PBRM1: variants seen among roughly 807,000 people sequenced by gnomAD.
PBRM1 encodes the protein polybromo 1, also known as protein polybromo-1.
In PBRM1, 27 loss-of-function variants were observed where a neutral mutation model predicts 194.5. The observed-to-expected ratio is 0.14, with a 90% CI of 0.10 to 0.19. The LOEUF is 0.19. Ranked by LOEUF, PBRM1 falls within the 10% of genes least tolerant of loss-of-function variation. The probability of loss-of-function intolerance (pLI) is 1.00; values close to 1 mark genes in which losing one functional copy is unlikely to be tolerated. For synonymous variants in PBRM1, 655 were observed against 693.2 expected (o/e 0.94, Z 0.87); for missense variants, 1,466 against 2,077.2 (o/e 0.71, Z 5.72).
chr3:52,614,373 C>CAAAAAAAAAA (rs1165930996), intron 15 of PBRM1, among the ~76,000 whole-genome samples: 67 of 40,854 alleles, frequency 1.6e-3, no homozygotes, highest in East Asian at 5.1e-3. Context: ...GATGCTTCAT[C>CAAAAAAAAAA]AAAAAAAAAA....
At chr3:52,555,230 C>A (rs2081969676) in intron 26 of PBRM1, among the ~76,000 whole-genome samples, 1 of 152,182 alleles carries the variant, frequency 6.6e-6, no homozygotes, top group Non-Finnish European at 1.5e-5. Context: ...ACCAGTTCTG[C>A]TGACTGCAAT....
chr3:52,610,416 T>C (rs529156550), intron 15 of PBRM1, among the ~76,000 whole-genome samples: 2 of 152,330 alleles, frequency 1.3e-5, no homozygotes, highest in South Asian at 2.1e-4. Context: ...CCTAGCTCTG[T>C]CCACTGAAAA....
intron 29 of PBRM1, among the ~76,000 whole-genome samples, chr3:52,549,297 G>A (rs988068496): frequency 1.3e-5 from 2 of 152,094 alleles, no homozygotes; most frequent in African/African-American, 4.8e-5. Flanking sequence ...TGGGATTACA[G>A]GCGTGAGCCA....
At chr3:52,626,327 C>A (rs2095445147) in intron 13 of PBRM1, among the ~76,000 whole-genome samples, 1 of 152,192 alleles carries the variant, frequency 6.6e-6, no homozygotes, top group African/African-American at 2.4e-5. Context: ...TTAAAAAATT[C>A]TCCAAAATGC....
downstream of PBRM1, chr3:52,547,420 G>A (rs990872297): frequency 8.6e-6 from 2 of 233,248 alleles, no homozygotes; most frequent in Non-Finnish European, 1.7e-5. Flanking sequence ...ACATATTTCT[G>A]TAGTGAGCCT....
intron 7 of PBRM1, among the ~76,000 whole-genome samples, chr3:52,645,417 C>T (rs2096262626): frequency 2.6e-5 from 4 of 151,710 alleles, no homozygotes; most frequent in Admixed American, 1.3e-4. Context: ...CCTGCCTTGG[C>T]CTCTCAAAGT....
intron 7 of PBRM1, among the ~76,000 whole-genome samples, chr3:52,646,688 A>AT (rs1261904562): frequency 3.3e-5 from 5 of 152,198 alleles, no homozygotes; most frequent in Non-Finnish European, 7.4e-5. Context: ...TAGTGCTGGG[A>AT]TAATATCTCA....
Position 52,644,939 on chromosome 3 carries a change from T to C in PBRM1, c.814-150A>G, listed in dbSNP as rs560648484. The C allele has an allele frequency of 1.5e-5, 7 of 480,104 alleles. No homozygotes were observed. The East Asian group carries it at 2.5e-4, about 17-fold the overall frequency. The allele number at this position is 480,104 out of a possible 1,614,324, so 29.7% of individuals were successfully genotyped here. A position where few individuals can be genotyped will look rare whatever the true frequency, so the allele number is the denominator to read the frequency against. ...CCCACAAAGCTGCATCCTCCAACATTTCTACAAGCTTCCAAAATATCTATC... is the reference window on the plus strand; with the variant it reads ...CCCACAAAGCTGCATCCTCCAACATCTCTACAAGCTTCCAAAATATCTATC... On this transcript the variant is annotated intron_variant, in intron 7 of 29. Transcript: ENST00000296302.
At chr3:52,675,796 G>A (rs946400793) in intron 2 of PBRM1, among the ~76,000 whole-genome samples, 4 of 152,130 alleles carry the variant, frequency 2.6e-5, no homozygotes, top group African/African-American at 7.2e-5. Context: ...AAACGATACC[G>A]GGAAAACTGG....
chr3:52,616,236 A>G (rs575947083), intron 14 of PBRM1, among the ~76,000 whole-genome samples: 1 of 152,352 alleles, frequency 6.6e-6, no homozygotes, highest in South Asian at 2.1e-4. Context: ...AGCATCCTCA[A>G]TGCATACTTT....
At chr3:52,634,308 G>A (rs568869473) in intron 11 of PBRM1, among the ~76,000 whole-genome samples, 71 of 151,720 alleles carry the variant, frequency 4.7e-4, no homozygotes, top group African/African-American at 1.6e-3. Context: ...GTGGTGGTGC[G>A]CACCTGTAGT....
At chr3:52,623,005 G>A (rs2095332887) in intron 13 of PBRM1, among the ~76,000 whole-genome samples, 2 of 152,122 alleles carry the variant, frequency 1.3e-5, no homozygotes, top group African/African-American at 2.4e-5. Context: ...CCCCAACTAT[G>A]CAGATGTAAA....
chr3:52,655,694 T>C (rs2153831266), intron 5 of PBRM1, among the ~76,000 whole-genome samples: 1 of 152,334 alleles, frequency 6.6e-6, no homozygotes, highest in East Asian at 1.9e-4. Flanking sequence ...ATATTAATAA[T>C]TACATCTTTC....
intron 26 of PBRM1, among the ~76,000 whole-genome samples, chr3:52,556,096 T>C (rs1170809502): frequency 6.6e-6 from 1 of 152,216 alleles, no homozygotes; most frequent in Non-Finnish European, 1.5e-5. Context: ...CTCTGTCAAA[T>C]AGTGGAAAAC....
At chr3:52,640,599 T>G (rs2096036569) in intron 10 of PBRM1, among the ~76,000 whole-genome samples, 1 of 151,560 alleles carries the variant, frequency 6.6e-6, no homozygotes, top group South Asian at 2.1e-4. Context: ...TCAACTTTCT[T>G]ATGTTTTTAT....
chr3:52,589,003 T>G, intron 18 of PBRM1, 67 bp downstream of exon 20: 3 of 1,175,296 alleles, frequency 2.6e-6, no homozygotes, highest in Non-Finnish European at 3.8e-6. Flanking sequence ...TTTTCTTCCC[T>G]GAGGAGCAAG....
intron 17 of PBRM1, among the ~76,000 whole-genome samples, chr3:52,603,260 G>A (rs1486825729): frequency 6.6e-6 from 1 of 152,200 alleles, no homozygotes; most frequent in Non-Finnish European, 1.5e-5. Flanking sequence ...GAGGCATTAA[G>A]CCCCCACACT....
At chr3:52,639,079 G>A (rs2095958559) in intron 10 of PBRM1, among the ~76,000 whole-genome samples, 1 of 151,612 alleles carries the variant, frequency 6.6e-6, no homozygotes, top group African/African-American at 2.4e-5. Flanking sequence ...CCGCCTCCCG[G>A]GTTCAAGCAA....
At chr3:52,639,154 T>C (rs1257423770) in intron 10 of PBRM1, among the ~76,000 whole-genome samples, 1 of 152,062 alleles carries the variant, frequency 6.6e-6, no homozygotes, top group African/African-American at 2.4e-5. Flanking sequence ...GTATTTATAG[T>C]AGAGACAGAG....
Sources: gnomAD v4.1 joint callset for allele counts (sites outside exome capture counted in the v4.1 genomes callset) on GRCh38, gnomAD v4.1.1 for gene constraint, MANE v1.5 for transcripts, NCBI Gene and HGNC (gene_info 2026-07-23, HGNC 2026-07-21) for gene names.